The following TMEM74 variants were observed in gnomAD, a reference collection of about 807,000 sequenced individuals.
TMEM74 encodes the protein transmembrane protein 74.
A neutral mutation model predicts 18.1 loss-of-function variants in TMEM74; 13 were observed. The ratio of observed to expected loss-of-function variants is 0.72; its 90% CI spans 0.47 to 1.14. The LOEUF (loss-of-function observed/expected upper bound fraction) is 1.14. Among genes scored for constraint, TMEM74 ranks in the 50% most tolerant of loss-of-function variants. The pLI is 0.00. For synonymous variants in TMEM74, 159 were observed against 146.6 expected (o/e 1.08, Z -0.61); for missense variants, 372 against 375.9 (o/e 0.99, Z 0.09).
intron 1 of TMEM74, among the ~76,000 whole-genome samples, chr8:108,760,500 T>C (rs951063130): frequency 6.6e-6 from 1 of 152,046 alleles, no homozygotes; most frequent in Non-Finnish European, 1.5e-5. Flanking sequence ...AATGCATCTA[T>C]TGGCAGGAGT....
intron 1 of TMEM74, among the ~76,000 whole-genome samples, chr8:108,722,340 C>A (rs1158495479): frequency 2.0e-5 from 3 of 152,180 alleles, no homozygotes; most frequent in African/African-American, 4.8e-5. Flanking sequence ...TTGTAAGCAA[C>A]TAACCCTGGA....
At chr8:108,635,686 C>A (rs1812600299) in intron 2 of TMEM74, among the ~76,000 whole-genome samples, 1 of 151,944 alleles carries the variant, frequency 6.6e-6, no homozygotes, top group Non-Finnish European at 1.5e-5. Flanking sequence ...TCATTAAAAC[C>A]AAAAATCTCA....
At chr8:108,697,206 T>C (rs1277599820) in intron 1 of TMEM74, among the ~76,000 whole-genome samples, 1 of 152,158 alleles carries the variant, frequency 6.6e-6, no homozygotes, top group East Asian at 1.9e-4. Context: ...TCAGTGGATG[T>C]CCACTTGGTC....
At chr8:108,757,851 C>G (rs1813995379) in intron 1 of TMEM74, among the ~76,000 whole-genome samples, 1 of 151,958 alleles carries the variant, frequency 6.6e-6, no homozygotes, top group South Asian at 2.1e-4. Flanking sequence ...AGCTTACCCT[C>G]AAATCTATAC....
chr8:108,610,592 G>A (rs139454746), intron 2 of TMEM74, among the ~76,000 whole-genome samples: 72 of 152,314 alleles, frequency 4.7e-4, no homozygotes, highest in African/African-American at 1.7e-3. Flanking sequence ...TGACATTTGG[G>A]TAGAACTTAA....
In TMEM74 at chr8:108,644,491, A is replaced by T. The variant is rs1050449482; in HGVS notation, n.264+10802T>A. On this transcript the variant is annotated intron_variant and non_coding_transcript_variant, in intron 2 of 3. Coordinates refer to the TMEM74 transcript ENST00000518838. ...AAAAGCAATTGCACCGAAACCAAAA[A>T]TTGACACATGGGACCTAATTAAACA... 1.5e-4 allele frequency among the ~76,000 whole-genome samples: 23 copies of T among 152,270 alleles called. No individual in the cohort carries two copies. The South Asian group carries it at 4.8e-3, about 32-fold the overall frequency.
rs1812701113 is a variant in TMEM74 at position 108,644,819 on chromosome 8, C to T, written n.264+10474G>A. On this transcript the variant is annotated intron_variant and non_coding_transcript_variant, in intron 2 of 3. Coordinates refer to the TMEM74 transcript ENST00000518838. ...CCATGAGGTAAAACCTCACACCAGT[C>T]AGAATGGCTACTATTAAATAGTCAA... Among the ~76,000 whole-genome samples the T allele has an allele frequency of 2.0e-5, 3 of 152,088 alleles. No individual in the cohort carries two copies. The South Asian group carries it at 6.2e-4, about 32-fold the overall frequency.
intron 1 of TMEM74, among the ~76,000 whole-genome samples, chr8:108,727,365 T>C (rs546991027): frequency 6.6e-6 from 1 of 152,230 alleles, no homozygotes; most frequent in African/African-American, 2.4e-5. Context: ...TAATCTTGAT[T>C]AGGAGGACAA....
At chr8:108,623,703 T>C (rs999674333) in intron 2 of TMEM74, among the ~76,000 whole-genome samples, 1 of 152,102 alleles carries the variant, frequency 6.6e-6, no homozygotes, top group African/African-American at 2.4e-5. Context: ...TGATGGACTT[T>C]CCTGTTAATT....
intron 1 of TMEM74, among the ~76,000 whole-genome samples, chr8:108,703,792 C>T (rs1813362381): frequency 6.6e-6 from 1 of 152,216 alleles, no homozygotes; most frequent in Non-Finnish European, 1.5e-5. Context: ...TTGCCTGGCT[C>T]CTTGCTAAAT....
intron 1 of TMEM74, among the ~76,000 whole-genome samples, chr8:108,670,598 A>C (rs886100531): frequency 6.6e-6 from 1 of 152,172 alleles, no homozygotes; most frequent in Admixed American, 6.6e-5. Context: ...TCAACTCCCC[A>C]CAAGATCTTT....
At chr8:108,739,408 T>C (rs1197956129) in intron 1 of TMEM74, among the ~76,000 whole-genome samples, 1 of 152,222 alleles carries the variant, frequency 6.6e-6, no homozygotes, top group East Asian at 1.9e-4. Context: ...AGGCAGACCA[T>C]ATGTCTCCCT....
chr8:108,763,709 G>A (rs1270095423), intron 1 of TMEM74, among the ~76,000 whole-genome samples: 3 of 152,054 alleles, frequency 2.0e-5, no homozygotes, highest in Non-Finnish European at 4.4e-5. Context: ...TTATTTTACT[G>A]GTATTCTTAT....
rs1205107718 is a variant in TMEM74 at position 108,779,816 on chromosome 8, G to A, written c.*4365C>T. Among the ~76,000 whole-genome samples the A allele has an allele frequency of 6.6e-6, 1 of 152,198 alleles. No individual in the cohort carries two copies. The highest frequency in any genetic ancestry group is 1.5e-5 in the Non-Finnish European group (1 of 68,030). On this transcript the variant is annotated 3_prime_UTR_variant, in exon 2 of 2. Coordinates refer to ENST00000297459, the MANE Select transcript of TMEM74 (RefSeq NM_153015.3). ...ACATAAACCACGAGTACACTCTTGAGTGTAAGCCACAGATTCTTGAAATTA... is the reference window on the plus strand; with the variant it reads ...ACATAAACCACGAGTACACTCTTGAATGTAAGCCACAGATTCTTGAAATTA...
intron 1 of TMEM74, among the ~76,000 whole-genome samples, chr8:108,710,332 A>G (rs992140934): frequency 6.6e-6 from 1 of 152,232 alleles, no homozygotes; most frequent in African/African-American, 2.4e-5. Flanking sequence ...TGATGAGAGC[A>G]GGAGATTGTG....
chr8:108,735,685 T>G (rs1469976251), intron 1 of TMEM74, among the ~76,000 whole-genome samples: 1 of 152,228 alleles, frequency 6.6e-6, no homozygotes, highest in African/African-American at 2.4e-5. Context: ...CGTACAAGTT[T>G]GTATGTGGAC....
chr8:108,776,267 C>T (rs533547559), downstream of TMEM74, among the ~76,000 whole-genome samples: 1 of 152,230 alleles, frequency 6.6e-6, no homozygotes, highest in Non-Finnish European at 1.5e-5. Flanking sequence ...CCGAGGCAGG[C>T]AGATCACTTG....
intron 1 of TMEM74, among the ~76,000 whole-genome samples, chr8:108,753,092 T>C (rs1279429981): frequency 6.6e-6 from 1 of 152,132 alleles, no homozygotes; most frequent in Non-Finnish European, 1.5e-5. Context: ...AACAATCTTT[T>C]GAACATTTTG....
chr8:108,688,836 A>T (rs1346818773), intron 1 of TMEM74, among the ~76,000 whole-genome samples: 1 of 152,126 alleles, frequency 6.6e-6, no homozygotes, highest in African/African-American at 2.4e-5. Flanking sequence ...CAGCCCACAC[A>T]CCTTATATAG....
Sources: gnomAD v4.1 joint callset for allele counts (sites outside exome capture counted in the v4.1 genomes callset) on GRCh38, gnomAD v4.1.1 for gene constraint, MANE v1.5 for transcripts, NCBI Gene and HGNC (gene_info 2026-07-23, HGNC 2026-07-21) for gene names.